PCDHGA3: variants seen among roughly 807,000 people sequenced by gnomAD.
PCDHGA3 encodes the protein protocadherin gamma subfamily A, 3.
Under a neutral mutation model 58.5 loss-of-function variants are expected in PCDHGA3, and 40 were observed. The ratio of observed to expected loss-of-function variants is 0.68; its 90% confidence interval spans 0.53 to 0.89. PCDHGA3 has a LOEUF of 0.89. PCDHGA3 is among the 40% of genes least tolerant of loss of function. The pLI is 0.00. For missense variants in PCDHGA3, 1,223 were observed against 1,195.9 expected, an observed-to-expected ratio of 1.02 and a Z score of -0.33; for synonymous variants, 530 against 525.7, an observed-to-expected ratio of 1.01 and a Z score of -0.11.
chr5:141,412,027 C>T (rs1360599996), intron 1 of PCDHGA3: 1 of 152,086 alleles, frequency 6.6e-6, no homozygotes, highest in Non-Finnish European at 1.5e-5. Context: ...ATCCTGTTCT[C>T]TGTGTGAAAG....
intron 1 of PCDHGA3, chr5:141,373,960 G>A: frequency 1.1e-6 from 1 of 939,502 alleles, no homozygotes; most frequent in African/African-American, 1.7e-5. Flanking sequence ...ATTCTGACCT[G>A]AAACGCTTCG....
intron 1 of PCDHGA3, chr5:141,374,217 T>C (rs771956915): frequency 5.6e-6 from 9 of 1,613,862 alleles, no homozygotes; most frequent in Non-Finnish European, 6.8e-6. Context: ...GGCTCCTTCG[T>C]AGGCAACATC....
chr5:141,382,260 G>T (rs1033176333), intron 1 of PCDHGA3, among the ~76,000 whole-genome samples: 8 of 152,108 alleles, frequency 5.3e-5, no homozygotes, highest in African/African-American at 1.4e-4. Context: ...GCATCATGGT[G>T]TCTAGAACAT....
chr5:141,431,012 G>A lies in PCDHGA3; in HGVS notation c.2425-63795G>A. On this transcript the variant is annotated intron_variant, in intron 1 of 3. Coordinates refer to ENST00000253812, the MANE Select transcript of PCDHGA3 (RefSeq NM_018916.4). This position sits in a 1 kb window ranked among gnomAD's most constrained non-coding sequence, Gnocchi z 4.8. The stretch of plus-strand genomic sequence containing the variant: ...CCTGAATCCGCGCAGCGGCAGCTTG[G>A]TCACGGCGGGCAGGATAGACCGGGA... 1 of 1,613,314 alleles carries A rather than the reference G, an allele frequency of 6.2e-7. No individual in the cohort carries two copies. Among genetic ancestry groups the A allele is most frequent in the South Asian group, 1.1e-5 (1 of 91,076 alleles).
chr5:141,366,754 T>G (rs752520997), intron 1 of PCDHGA3: 1 of 1,607,154 alleles, frequency 6.2e-7, no homozygotes. Context: ...GAGTTCAGGT[T>G]AGTTTTCTCT....
At chr5:141,417,915 C>T in intron 1 of PCDHGA3, 1 of 1,603,354 alleles carries the variant, frequency 6.2e-7, no homozygotes. Flanking sequence ...GTACTATTTC[C>T]TTTGCTGCTG....
In PCDHGA3 at chr5:141,404,188, A is replaced by C. The variant is rs1001365354; in HGVS notation, c.2424+57731A>C. On this transcript the variant is annotated intron_variant, in intron 1 of 3. Transcript: ENST00000253812. Reference sequence around the variant, plus strand: ...TGTTGACGGCCCAAATTCTTGACCGAGAAAAAGCCTCAGAATATAATATCA... The same window carrying C: ...TGTTGACGGCCCAAATTCTTGACCGCGAAAAAGCCTCAGAATATAATATCA... 3.7e-6 allele frequency: 6 copies of C among 1,613,398 alleles called. No individual in the cohort carries two copies. The African/African-American group carries it at 5.3e-5, about 14-fold the overall frequency.
intron 1 of PCDHGA3, chr5:141,419,076 C>G: frequency 6.2e-7 from 1 of 1,613,956 alleles, no homozygotes; most frequent in Non-Finnish European, 8.5e-7. Context: ...AAGCTAGTAA[C>G]AGATGAGGCC....
intron 1 of PCDHGA3, chr5:141,416,112 T>C (rs555358881): frequency 6.4e-6 from 1 of 156,492 alleles, no homozygotes; most frequent in Non-Finnish European, 1.4e-5. Context: ...TTTTTCAAAC[T>C]ACATTTTATA....
intron 1 of PCDHGA3, chr5:141,419,317 T>G: frequency 1.2e-6 from 2 of 1,613,952 alleles, no homozygotes; most frequent in Non-Finnish European, 1.7e-6. Context: ...TCAACGGCCG[T>G]GTCTCCTACT....
rs2099670287 is a variant in PCDHGA3, at chr5:141,487,983, TC to T, written c.2425-6822del. Among the ~76,000 whole-genome samples, 3 of 152,290 alleles carry T rather than the reference TC, an allele frequency of 2.0e-5. No individual in the cohort carries two copies. The South Asian group carries it at 6.2e-4, about 32-fold the overall frequency. ...CAAAGGTGGCTGTTTTCTCTACTCT[TC>T]CTGAAAGAGGGGATCAGATTCTGAA... On this transcript the variant is annotated intron_variant, in intron 1 of 3. Coordinates refer to ENST00000253812, the MANE Select transcript of PCDHGA3 (RefSeq NM_018916.4). This position sits in a 1 kb window ranked among gnomAD's most constrained non-coding sequence, Gnocchi z 5.0.
intron 1 of PCDHGA3, chr5:141,375,266 G>C: frequency 6.2e-7 from 1 of 1,613,846 alleles, no homozygotes. Flanking sequence ...ATTTGAATTG[G>C]AAAAATCAGT....
chr5:141,451,205 C>G (rs1023049434), intron 1 of PCDHGA3, among the ~76,000 whole-genome samples: 2 of 152,142 alleles, frequency 1.3e-5, no homozygotes, highest in African/African-American at 4.8e-5. Flanking sequence ...TATCCCAAAA[C>G]TTAGTGGCTT....
intron 1 of PCDHGA3, chr5:141,403,389 C>T (rs764725441): frequency 1.2e-6 from 2 of 1,614,050 alleles, no homozygotes; most frequent in South Asian, 1.1e-5. Context: ...AACGAAATCG[C>T]GGTTCCTGGA....
rs2095830931 is a variant in PCDHGA3 at position 141,415,116 on chromosome 5, A to G, written c.2424+68659A>G. 3 of 1,613,652 alleles carry G rather than the reference A, an allele frequency of 1.9e-6. No individual in the cohort carries two copies. The East Asian group carries it at 6.7e-5, about 36-fold the overall frequency. On this transcript the variant is annotated intron_variant, in intron 1 of 3. Transcript: ENST00000253812. The stretch of plus-strand genomic sequence containing the variant: ...GAGACGCGCTCAAGCAAAGCCTCGT[A>G]GTGGCCGTCCAGGACCACGGCCAGC...
In PCDHGA3 at chr5:141,494,748, C is replaced by T. The variant is rs566281527; in HGVS notation, c.2425-59C>T. On this transcript the variant is annotated intron_variant, in intron 1 of 3. Coordinates refer to ENST00000253812, the MANE Select transcript of PCDHGA3 (RefSeq NM_018916.4). ...CTCTCCCGGCCCATCCCTAGGGGCTCGGGTGACATTCTAACTTCTCACGGG... is the reference window on the plus strand; with the variant it reads ...CTCTCCCGGCCCATCCCTAGGGGCTTGGGTGACATTCTAACTTCTCACGGG... 1.4e-5 allele frequency: 22 copies of T among 1,613,104 alleles called. No individual in the cohort carries two copies. The East Asian group carries it at 4.2e-4, about 31-fold the overall frequency.
chr5:141,490,910 A>G lies in PCDHGA3; in HGVS notation c.2425-3897A>G. The G allele has an allele frequency of 1.2e-6, 2 of 1,613,652 alleles. No individual in the cohort carries two copies. Among genetic ancestry groups the G allele is most frequent in the African/African-American group, 1.3e-5 (1 of 75,048 alleles). ...TCTCTGCATGTGTTTGTCCTAGACG[A>G]GAATGATAATGCCCCAGCTGTGCTG... On this transcript the variant is annotated intron_variant, in intron 1 of 3. Transcript: ENST00000253812. This position sits in a 1 kb window ranked among gnomAD's most constrained non-coding sequence, Gnocchi z 5.4.
At chr5:141,414,514 G>A in intron 1 of PCDHGA3, 1 of 1,613,964 alleles carries the variant, frequency 6.2e-7, no homozygotes, top group Non-Finnish European at 8.5e-7. Context: ...GCTACAAGTG[G>A]CAGATATCAA....
At chr5:141,374,627 G>T (rs955993144) in intron 1 of PCDHGA3, 5 of 1,613,182 alleles carry the variant, frequency 3.1e-6, no homozygotes, top group Admixed American at 1.7e-5. Flanking sequence ...CTCAGTGGAC[G>T]TGCAAAGCGA....
Sources: allele counts gnomAD v4.1 joint callset (sites outside exome capture counted in the v4.1 genomes callset), GRCh38; gene constraint gnomAD v4.1.1; non-coding constraint Gnocchi (gnomAD v3.1); transcripts MANE v1.5; gene names NCBI Gene and HGNC (gene_info 2026-07-23, HGNC 2026-07-21).